CAPN10: variants seen among roughly 807,000 people sequenced by gnomAD.
CAPN10 encodes the protein calpain 10.
In CAPN10, 71 loss-of-function variants were observed where a neutral mutation model predicts 78.4. The ratio of observed to expected loss-of-function variants is 0.91; its 90% CI spans 0.75 to 1.10. CAPN10 has a LOEUF of 1.10. Among genes scored for constraint, CAPN10 ranks in the 50% least tolerant of loss-of-function variants. CAPN10 has a pLI of 0.00. For synonymous variants in CAPN10, 437 were observed against 407.2 expected (o/e 1.07, Z -0.88); for missense variants, 849 against 924.6 (o/e 0.92, Z 1.06).
At chr2:240,595,390 G>A (rs768283641) in intron 7 of CAPN10, 86 bp downstream of exon 7, 383 of 1,422,334 alleles carry the variant, frequency 2.7e-4, no homozygotes, top group Non-Finnish European at 3.3e-4. Flanking sequence ...TGGCTCTGCC[G>A]GGACACATGT....
In CAPN10 at chr2:240,598,071, G is replaced by A. The variant is rs368061198; in HGVS notation, c.1927G>A (p.Ala643Thr). 9 of 1,608,926 alleles carry A rather than the reference G, an allele frequency of 5.6e-6. No individual in the cohort carries two copies. Among genetic ancestry groups the A allele is most frequent in the South Asian group, 1.1e-5 (1 of 90,922 alleles). The change falls in exon 10 of 12, where the codon GCA becomes ACA. Residue 643 changes from alanine (A) to threonine (T), a missense_variant. Transcript: ENST00000391984. ...DTEGAFTVTI[A>T]TRIDRPSIHS... ...AGAGGGGGCCTTCACAGTGACCATC[G>A]CAACCAGGATTGACAGGTGGGGCTC...
intron 4 of CAPN10, among the ~76,000 whole-genome samples, chr2:240,593,054 A>G (rs928820527): frequency 7.9e-5 from 12 of 152,336 alleles, no homozygotes; most frequent in African/African-American, 2.9e-4. Context: ...GAGAGCCTGG[A>G]GGGCGTGTAC....
At chr2:240,597,001 T>C in intron 9 of CAPN10, 59 bp downstream of exon 9, 1 of 1,602,606 alleles carries the variant, frequency 6.2e-7, no homozygotes, top group Middle Eastern at 1.7e-4. Context: ...AGAATTTGCA[T>C]CTTGGCCTCC....
intron 7 of CAPN10, chr2:240,595,984 C>T: frequency 7.1e-7 from 1 of 1,398,784 alleles, no homozygotes; most frequent in Non-Finnish European, 9.5e-7. Context: ...GGATGTGGCC[C>T]ACATGATGTT....
chr2:240,598,700 A>C lies in CAPN10; in HGVS notation c.*20A>C. On this transcript the variant is annotated 3_prime_UTR_variant, in exon 12 of 12. Transcript: ENST00000391984. ...ACCTAACAGGGTGGCCCCCTGTGCC[A>C]GCTCAGGTGACTGGAGCCCGAGGGC... 6.4e-7 allele frequency: 1 copy of C among 1,566,082 alleles called. No homozygotes were observed. Among genetic ancestry groups the C allele is most frequent in the Non-Finnish European group, 8.7e-7 (1 of 1,154,470 alleles).
intron 9 of CAPN10, 62 bp from the exon 10 acceptor site, chr2:240,597,826 C>CCCTG: frequency 6.9e-7 from 1 of 1,450,634 alleles, no homozygotes; most frequent in East Asian, 2.5e-5. Context: ...GAGCAGATGG[C>CCCTG]CCTGGGCTGG....
intron 4 of CAPN10, among the ~76,000 whole-genome samples, chr2:240,593,330 A>G (rs1335959872): frequency 2.0e-5 from 3 of 152,360 alleles, no homozygotes; most frequent in East Asian, 3.9e-4. Context: ...AAGTCCTTCC[A>G]GGAGACCCTC....
Position 240,595,208 on chromosome 2 carries a change from C to T in CAPN10, c.1182C>T (p.Gly394=). ...RSRLHAADWA[G]RARALVGDSH... is the part of the protein sequence containing the mutation. The stretch of plus-strand genomic sequence containing the variant: ...GGCTGCACGCGGCGGACTGGGCAGG[C>T]CGGGCCCGGGCACTGGTGGGTGACA... The change falls in exon 7 of 12, where the codon GGC becomes GGT. Residue 394 remains glycine (G), a synonymous_variant. Transcript: ENST00000391984. The T allele has an allele frequency of 6.2e-7, 1 of 1,613,648 alleles. No homozygotes were observed. Among genetic ancestry groups the T allele is most frequent in the Non-Finnish European group, 8.5e-7 (1 of 1,180,006 alleles).
chr2:240,594,032 G>C lies in CAPN10; in HGVS notation c.815G>C (p.Gly272Ala). 6.2e-7 allele frequency: 1 copy of C among 1,603,898 alleles called. No individual in the cohort carries two copies. The highest frequency in any genetic ancestry group is 8.5e-7 in the Non-Finnish European group (1 of 1,173,838). ...CCCTGGGGCCGGCGGTGCTGGCAGGGGCTCTGGAGAGAGGGGTGAGTGCTG... is the reference window on the plus strand; with the variant it reads ...CCCTGGGGCCGGCGGTGCTGGCAGGCGCTCTGGAGAGAGGGGTGAGTGCTG... ...QNPWGRRCWQGLWREGGEGWS... is the reference protein window; with the variant it reads ...QNPWGRRCWQALWREGGEGWS... The change falls in exon 5 of 12, where the codon GGG becomes GCG. Residue 272 changes from glycine to alanine, a missense_variant. Transcript: ENST00000391984.
chr2:240,594,739 G>A (rs756785158), intron 6 of CAPN10, 30 bp downstream of exon 6: 10 of 1,595,912 alleles, frequency 6.3e-6, no homozygotes, highest in African/African-American at 1.3e-5. Flanking sequence ...TGCTGGGCAC[G>A]TGCTCTGCCT....
chr2:240,591,252 T>TTCTC (rs2093100118), intron 3 of CAPN10: 1 of 524,040 alleles, frequency 1.9e-6, no homozygotes, highest in Non-Finnish European at 3.4e-6. Context: ...CGTGGAGTCG[T>TTCTC]TCTCCACAGA....
rs2093098427 is a variant in CAPN10, at chr2:240,590,986, C to T, written c.445C>T (p.Pro149Ser). ...RCQREDVFWL[P>S]LLEKVYAKVH... ...CCAGAGGGAGGATGTGTTCTGGCTC[C>T]CCTTACTGGAAAAGGTCTACGCCAA... The change falls in exon 3 of 12, where the codon CCC (proline) becomes TCC (serine). Residue 149 changes from proline to serine, a missense_variant. Transcript: ENST00000391984. 1.2e-6 allele frequency: 2 copies of T among 1,614,118 alleles called. No homozygotes were observed. The highest frequency in any genetic ancestry group is 8.5e-7 in the Non-Finnish European group (1 of 1,180,010).
rs1344895942 is a variant in CAPN10, at chr2:240,596,843, C to G, written c.1644C>G (p.Val548=). ...YPTNPCFPFS[V]PEGPGPRCVR... is the part of the protein sequence containing the mutation. The stretch of plus-strand genomic sequence containing the variant: ...CCAACCCCTGCTTCCCCTTCTCGGT[C>G]CCCGAGGGCCCTGGCCCCCGCTGCG... The change falls in exon 9 of 12, where the codon GTC becomes GTG. Residue 548 remains valine, a synonymous_variant. Transcript: ENST00000391984. 1.2e-6 allele frequency: 2 copies of G among 1,613,428 alleles called. No homozygotes were observed. Among genetic ancestry groups the G allele is most frequent in the Non-Finnish European group, 8.5e-7 (1 of 1,180,016 alleles).
intron 10 of CAPN10, 39 bp downstream of exon 10, chr2:240,598,126 G>T (rs201190551): frequency 6.4e-7 from 1 of 1,571,746 alleles, no homozygotes; most frequent in African/African-American, 1.3e-5. Context: ...GCTGGAGGCT[G>T]GGGTGCTGGA....
chr2:240,598,233 G>C (rs914986805), intron 10 of CAPN10, 119 bp from the exon 11 acceptor site: 1 of 1,420,904 alleles, frequency 7.0e-7, no homozygotes, highest in Non-Finnish European at 9.9e-7. Flanking sequence ...GCCTACCTGG[G>C]GACCCTTCCT....
chr2:240,597,085 C>A (rs1575452467), intron 9 of CAPN10, 143 bp downstream of exon 9: 2 of 1,024,158 alleles, frequency 2.0e-6, no homozygotes, highest in African/African-American at 3.2e-5. Context: ...CTAGAACCCG[C>A]ACAGGGCCCT....
Position 240,598,929 on chromosome 2 carries a change from G to A in CAPN10, c.*249G>A, listed in dbSNP as rs1349138357. Reference sequence around the variant, plus strand: ...CTGGCTTCTGTTGCGCCACTGAGACGGCAGAGACCCCAGGATCCCAGAGCT... The same window carrying A: ...CTGGCTTCTGTTGCGCCACTGAGACAGCAGAGACCCCAGGATCCCAGAGCT... On this transcript the variant is annotated 3_prime_UTR_variant, in exon 12 of 12. Coordinates refer to ENST00000391984, the MANE Select transcript of CAPN10 (RefSeq NM_023083.4). 1.8e-5 allele frequency: 10 copies of A among 570,308 alleles called. No individual in the cohort carries two copies. The highest frequency in any genetic ancestry group is 8.4e-5 in the East Asian group (3 of 35,732). 35.3% of individuals were successfully genotyped at this position (570,308 alleles called of 1,614,324 possible). A position where few individuals can be genotyped will look rare whatever the true frequency, so the allele number is the denominator to read the frequency against.
rs188932271 is a variant in CAPN10, at chr2:240,595,147, C to T, written c.1121C>T (p.Pro374Leu). ...AAATTCTGGCTGCGGGTCTCAGAAC[C>T]GAGTGAGGTGTACATTGCCGTCCTG... is the stretch of plus-strand genomic sequence containing the variant. The part of the protein sequence containing the change: ...NPKFWLRVSE[P>L]SEVYIAVLQR... The change falls in exon 7 of 12, where the codon CCG becomes CTG. Residue 374 changes from proline to leucine, a missense_variant. By Grantham distance (98) the Pro-to-Leu change is moderately conservative (BLOSUM62 -3). Transcript: ENST00000391984. 1,646 of 1,613,914 alleles carry T rather than the reference C, an allele frequency of 1.0e-3. 16 individuals are homozygous for T. The East Asian group carries it at 0.011, about 11-fold the overall frequency.
intron 10 of CAPN10, 84 bp downstream of exon 10, chr2:240,598,171 C>G: frequency 7.1e-7 from 1 of 1,407,666 alleles, no homozygotes. Context: ...ACGTCTCCTG[C>G]CTGCCCCTCA....
Sources: gnomAD v4.1 joint callset for allele counts (sites outside exome capture counted in the v4.1 genomes callset) on GRCh38, gnomAD v4.1.1 for gene constraint, MANE v1.5 for transcripts, NCBI Gene and HGNC (gene_info 2026-07-23, HGNC 2026-07-21) for gene names.